The following RFX3 variants were observed in gnomAD, a reference collection of about 807,000 sequenced individuals.
The protein encoded by RFX3 is transcription factor RFX3.
A neutral mutation model predicts 98.6 loss-of-function variants in RFX3; 14 were observed. The ratio of observed to expected loss-of-function variants is 0.14; its 90% confidence interval spans 0.09 to 0.22. The LOEUF is 0.22. RFX3 is among the 10% of genes least tolerant of loss of function. The pLI, the probability that RFX3 is intolerant of heterozygous loss-of-function variation, is 1.00. For missense variants in RFX3, 639 were observed against 926.9 expected (o/e 0.69, Z 4.03); for synonymous variants, 383 against 328.4 (o/e 1.17, Z -1.80).
chr9:3,438,549 G>A (rs985089168), intron 1 of RFX3, among the ~76,000 whole-genome samples: 3 of 151,970 alleles, frequency 2.0e-5, no homozygotes, highest in Non-Finnish European at 4.4e-5. Context: ...AGTAGTAAAT[G>A]CCAATGATCT....
intron 2 of RFX3, among the ~76,000 whole-genome samples, chr9:3,352,804 C>T (rs1310591166): frequency 1.3e-5 from 2 of 152,036 alleles, no homozygotes; most frequent in East Asian, 1.9e-4. Context: ...AACCATTTTC[C>T]ACATTGCAGA....
At chr9:3,359,818 C>A (rs1429592537) in intron 2 of RFX3, among the ~76,000 whole-genome samples, 1 of 151,862 alleles carries the variant, frequency 6.6e-6, no homozygotes. Context: ...TCATTAAAAA[C>A]CAAAGGTGAA....
intron 6 of RFX3, among the ~76,000 whole-genome samples, chr9:3,289,306 T>C (rs1378756032): frequency 2.0e-5 from 3 of 152,080 alleles, no homozygotes; most frequent in Non-Finnish European, 2.9e-5. Flanking sequence ...TTATACTATA[T>C]AAATTATATT....
intron 4 of RFX3, among the ~76,000 whole-genome samples, chr9:3,316,460 T>C (rs1277092301): frequency 6.6e-6 from 1 of 152,192 alleles, no homozygotes; most frequent in African/African-American, 2.4e-5. Context: ...CTTTGAAAAC[T>C]GGCACAAGAC....
intron 15 of RFX3, chr9:3,247,028 T>A: frequency 1.0e-6 from 1 of 957,372 alleles, no homozygotes; most frequent in South Asian, 4.9e-5. Context: ...GGAAAAGCAT[T>A]GAATAATATC....
At chr9:3,265,931 G>C (rs1823575975) in intron 12 of RFX3, among the ~76,000 whole-genome samples, 1 of 151,976 alleles carries the variant, frequency 6.6e-6, no homozygotes, top group South Asian at 2.1e-4. Context: ...ATATAATTTA[G>C]AATATATATA....
intron 1 of RFX3, among the ~76,000 whole-genome samples, chr9:3,476,120 T>A (rs1849228961): frequency 6.6e-6 from 1 of 151,532 alleles, no homozygotes; most frequent in African/African-American, 2.4e-5. Flanking sequence ...AGTATTATTA[T>A]AATATTGGCA....
At chr9:3,424,348 CTTTTTTTTTTTTTTTT>C (rs748693786) in intron 1 of RFX3, among the ~76,000 whole-genome samples, 12 of 76,008 alleles carry the variant, frequency 1.6e-4, no homozygotes, top group Admixed American at 1.3e-3. Context: ...ACATAATTGA[CTTTTTTTTTTTTTTTT>C]TTTTTTTTTT....
At chr9:3,450,511 A>C (rs927095759) in intron 1 of RFX3, among the ~76,000 whole-genome samples, 2 of 152,166 alleles carry the variant, frequency 1.3e-5, no homozygotes, top group African/African-American at 2.4e-5. Context: ...TAAAAAGAAC[A>C]TTTTTTTAAA....
At chr9:3,262,178 T>C (rs1311732156) in intron 13 of RFX3, among the ~76,000 whole-genome samples, 1 of 152,194 alleles carries the variant, frequency 6.6e-6, no homozygotes, top group Non-Finnish European at 1.5e-5. Context: ...TTCCTCTTGT[T>C]GCTTATGCTT....
At chr9:3,261,267 A>G (rs1387972887) in intron 13 of RFX3, among the ~76,000 whole-genome samples, 2 of 152,106 alleles carry the variant, frequency 1.3e-5, no homozygotes, top group Admixed American at 6.6e-5. Context: ...TTTCCTAAAA[A>G]TAAACCCCAT....
rs1329319415 is a variant in RFX3, at chr9:3,314,552, G to A, written c.475-12932C>T. Among the ~76,000 whole-genome samples, 5 of 152,266 alleles carry A rather than the reference G, an allele frequency of 3.3e-5. No homozygotes were observed. In the South Asian group the frequency reaches 6.2e-4, roughly 19 times the overall value. The stretch of plus-strand genomic sequence containing the variant: ...AACCTTAAATGTAAATGGGCCAAAT[G>A]CCCCAGTTAAAAGACACAGACTGGC... On this transcript the variant is annotated intron_variant, in intron 4 of 16. Transcript: ENST00000617270.
At chr9:3,367,308 G>C (rs777440460) in intron 2 of RFX3, among the ~76,000 whole-genome samples, 1 of 152,054 alleles carries the variant, frequency 6.6e-6, no homozygotes, top group East Asian at 1.9e-4. Context: ...CTAGGAGTGG[G>C]GAACAGATCC....
intron 1 of RFX3, among the ~76,000 whole-genome samples, chr9:3,510,500 G>A (rs139790886): frequency 1.1e-3 from 163 of 152,038 alleles, no homozygotes; most frequent in Non-Finnish European, 1.6e-3. Context: ...ATCCTATAAC[G>A]CAAATGTAGT....
At chr9:3,349,834 CATAAA>C (rs940518536) in intron 2 of RFX3, among the ~76,000 whole-genome samples, 52 of 151,964 alleles carry the variant, frequency 3.4e-4, no homozygotes, top group African/African-American at 1.2e-3. Flanking sequence ...AATATTATGA[CATAAA>C]ATAAAAAAGG....
intron 4 of RFX3, among the ~76,000 whole-genome samples, chr9:3,329,499 C>T (rs1427379854): frequency 6.6e-6 from 1 of 151,326 alleles, no homozygotes; most frequent in Non-Finnish European, 1.5e-5. Flanking sequence ...ATGTATGCTC[C>T]TAAGATACTG....
At chr9:3,274,675 T>C (rs1330431812) in intron 9 of RFX3, among the ~76,000 whole-genome samples, 2 of 152,104 alleles carry the variant, frequency 1.3e-5, no homozygotes, top group African/African-American at 4.8e-5. Flanking sequence ...TTATTAAACA[T>C]TTCCAGAAAT....
chr9:3,248,221 T>A, intron 14 of RFX3, 36 bp from the exon 15 acceptor site: 1 of 1,554,666 alleles, frequency 6.4e-7, no homozygotes, highest in African/African-American at 1.4e-5. Context: ...GCAGCTAACA[T>A]TAGTGACAAG....
chr9:3,318,427 C>T (rs1329240733), intron 4 of RFX3, among the ~76,000 whole-genome samples: 9 of 151,370 alleles, frequency 5.9e-5, no homozygotes, highest in Non-Finnish European at 1.0e-4. Flanking sequence ...ATGTAAATGA[C>T]GAGTTAACGG....
Sources: allele counts gnomAD v4.1 joint callset (sites outside exome capture counted in the v4.1 genomes callset), GRCh38; gene constraint gnomAD v4.1.1; transcripts MANE v1.5; gene names NCBI Gene and HGNC (gene_info 2026-07-23, HGNC 2026-07-21).